Variants in PLCB4 observed in about 807,000 individuals in gnomAD.
PLCB4 encodes 1-phosphatidylinositol 4,5-bisphosphate phosphodiesterase beta-4.
In PLCB4, 77 loss-of-function variants were observed where a neutral mutation model predicts 178.8. The ratio of observed to expected loss-of-function variants is 0.43; its 90% confidence interval spans 0.36 to 0.52. The LOEUF (loss-of-function observed/expected upper bound fraction) is 0.52. Among genes scored for constraint, PLCB4 ranks in the 20% least tolerant of loss-of-function variants. The probability of loss-of-function intolerance (pLI) is 0.00; values close to 1 mark genes in which losing one functional copy is unlikely to be tolerated. For missense variants in PLCB4, 1,024 were observed against 1,453.4 expected (o/e 0.70, Z 4.80); for synonymous variants, 496 against 490.8 (o/e 1.01, Z -0.14).
intron 3 of PLCB4, among the ~76,000 whole-genome samples, chr20:9,278,510 T>C (rs1384534626): frequency 1.3e-5 from 2 of 151,948 alleles, no homozygotes; most frequent in Non-Finnish European, 2.9e-5. Flanking sequence ...TAGAAAAAGG[T>C]TTGAACAAAA....
chr20:9,240,011 G>T (rs2094040146), intron 3 of PLCB4, among the ~76,000 whole-genome samples: 1 of 152,160 alleles, frequency 6.6e-6, no homozygotes, highest in Non-Finnish European at 1.5e-5. Context: ...GATGGTGCCT[G>T]CCCAGATTGA....
At position 9,117,744 on chromosome 20, in the gene PLCB4, C is replaced by G. The variant is rs1017558617; in HGVS notation, c.-79+21402C>G. Among the ~76,000 whole-genome samples the G allele has an allele frequency of 2.6e-4, 39 of 152,228 alleles. 1 individual carries two copies. The highest frequency in any genetic ancestry group is 5.9e-4 in the Admixed American group (9 of 15,274). On this transcript the variant is annotated intron_variant, in intron 2 of 39. Coordinates refer to ENST00000378473, the MANE Select transcript of PLCB4 (RefSeq NM_001377142.1). ...TGAAACTTGCTTACCTTATTCCTAC[C>G]CCAGGGCCTTTGCATTGGCAGCTCC...
intron 13 of PLCB4, among the ~76,000 whole-genome samples, chr20:9,383,938 G>C (rs965423689): frequency 2.6e-5 from 4 of 152,158 alleles, no homozygotes; most frequent in Non-Finnish European, 5.9e-5. Flanking sequence ...TCCCAGTGCT[G>C]TGTTTCTGAA....
chr20:9,209,494 A>T (rs2147232682), intron 2 of PLCB4, among the ~76,000 whole-genome samples: 1 of 152,228 alleles, frequency 6.6e-6, no homozygotes, highest in African/African-American at 2.4e-5. Flanking sequence ...CTTTAAGAAT[A>T]AAAGTTTGTC....
intron 2 of PLCB4, among the ~76,000 whole-genome samples, chr20:9,179,419 G>A (rs958754126): frequency 6.6e-6 from 1 of 152,128 alleles, no homozygotes; most frequent in Non-Finnish European, 1.5e-5. Context: ...CTAGAAGCTT[G>A]AATGACAATG....
intron 2 of PLCB4, among the ~76,000 whole-genome samples, chr20:9,119,263 G>A (rs1199867326): frequency 6.6e-6 from 1 of 152,112 alleles, no homozygotes; most frequent in African/African-American, 2.4e-5. Context: ...ATTTTCAGCT[G>A]TATTGAGATT....
In PLCB4 at chr20:9,102,310, A is replaced by G. The variant is rs541796669; in HGVS notation, c.-79+5968A>G. Reference sequence around the variant, plus strand: ...CAGGCTTAATAGTTCTGTATAGATGATAGAGGTAGCCAATGAAGATGGAAA... The same window carrying G: ...CAGGCTTAATAGTTCTGTATAGATGGTAGAGGTAGCCAATGAAGATGGAAA... On this transcript the variant is annotated intron_variant, in intron 2 of 39. Transcript: ENST00000378473. Among the ~76,000 whole-genome samples the G allele has an allele frequency of 2.5e-3, 388 of 152,326 alleles. 2 individuals carry two copies. The highest frequency in any genetic ancestry group is 8.5e-3 in the African/African-American group (355 of 41,572).
chr20:9,438,133 G>A (rs1040669365), intron 30 of PLCB4, among the ~76,000 whole-genome samples: 2 of 152,084 alleles, frequency 1.3e-5, no homozygotes, highest in Admixed American at 6.5e-5. Flanking sequence ...TTGAGAGGCC[G>A]AAGCGGGCAG....
At chr20:9,459,430 C>T (rs1332708858) in intron 34 of PLCB4, among the ~76,000 whole-genome samples, 4 of 152,138 alleles carry the variant, frequency 2.6e-5, no homozygotes, top group African/African-American at 4.8e-5. Context: ...CTATTCAGAG[C>T]CAAAGCAATT....
At chr20:9,343,305 G>A (rs1465035381) in intron 7 of PLCB4, among the ~76,000 whole-genome samples, 1 of 151,978 alleles carries the variant, frequency 6.6e-6, no homozygotes, top group East Asian at 1.9e-4. Context: ...TTTGAACTTA[G>A]TGTCTTTTAT....
At chr20:9,195,357 G>A (rs551634724) in intron 2 of PLCB4, among the ~76,000 whole-genome samples, 84 of 152,298 alleles carry the variant, frequency 5.5e-4, no homozygotes, top group African/African-American at 1.9e-3. Context: ...AATTTTATAC[G>A]TCAACCTGAC....
chr20:9,128,678 G>A (rs1485542898), intron 2 of PLCB4, among the ~76,000 whole-genome samples: 6 of 152,120 alleles, frequency 3.9e-5, no homozygotes, highest in Admixed American at 1.3e-4. Flanking sequence ...ATGAGCCACC[G>A]CACCCAGCCA....
intron 2 of PLCB4, among the ~76,000 whole-genome samples, chr20:9,203,056 A>AAAAAATAT (rs769628056): frequency 0.015 from 1,928 of 125,868 alleles, 69 homozygotes; most frequent in African/African-American, 0.061. Context: ...AAAAAAAAAA[A>AAAAAATAT]ATATATATAT....
At chr20:9,441,915 T>A (rs74354929) in intron 30 of PLCB4, among the ~76,000 whole-genome samples, 6 of 152,094 alleles carry the variant, frequency 3.9e-5, no homozygotes, top group Admixed American at 1.3e-4. Flanking sequence ...CACGACTTTT[T>A]TTTTTTTTTC....
chr20:9,280,466 A>G, intron 3 of PLCB4: 2 of 980,298 alleles, frequency 2.0e-6, no homozygotes, highest in Non-Finnish European at 2.4e-6. Context: ...AAGGGAAGGG[A>G]AAAAAAGGAG....
intron 13 of PLCB4, among the ~76,000 whole-genome samples, chr20:9,383,485 T>C (rs2148365665): frequency 6.6e-6 from 1 of 152,308 alleles, no homozygotes; most frequent in East Asian, 1.9e-4. Context: ...GCATCAACCA[T>C]TTATAAGTTG....
chr20:9,192,945 C>A (rs772803422), intron 2 of PLCB4, among the ~76,000 whole-genome samples: 1 of 152,100 alleles, frequency 6.6e-6, no homozygotes, highest in Non-Finnish European at 1.5e-5. Flanking sequence ...GATCTCAGGC[C>A]CCTCTCAGAA....
chr20:9,304,839 C>G (rs1412040524), intron 3 of PLCB4, among the ~76,000 whole-genome samples: 1 of 150,566 alleles, frequency 6.6e-6, no homozygotes, highest in African/African-American at 2.4e-5. Flanking sequence ...TATCTTTTTT[C>G]ATTCCTGCGT....
At chr20:9,142,897 G>A (rs1003212158) in intron 2 of PLCB4, among the ~76,000 whole-genome samples, 4 of 152,146 alleles carry the variant, frequency 2.6e-5, no homozygotes, top group Admixed American at 1.3e-4. Context: ...GGCCTGGCAC[G>A]ATCCCTTCCT....
Sources: gnomAD v4.1 joint callset for allele counts (sites outside exome capture counted in the v4.1 genomes callset) on GRCh38, gnomAD v4.1.1 for gene constraint, MANE v1.5 for transcripts, NCBI Gene and HGNC (gene_info 2026-07-23, HGNC 2026-07-21) for gene names.